EBF1: variants seen among roughly 807,000 people sequenced by gnomAD.
EBF1 encodes the protein EBF transcription factor 1.
EBF1 carries 10 observed loss-of-function variants against 68.4 expected under a neutral mutation model. The observed-to-expected ratio is 0.15, with a 90% CI of 0.09 to 0.25. EBF1 has a LOEUF of 0.25. Among genes scored for constraint, EBF1 ranks in the 10% least tolerant of loss-of-function variants. The probability of loss-of-function intolerance (pLI) is 1.00; values close to 1 mark genes in which losing one functional copy is unlikely to be tolerated. For missense variants in EBF1, 509 were observed against 794.4 expected (o/e 0.64, Z 4.32); for synonymous variants, 298 against 299.8 (o/e 0.99, Z 0.06).
At chr5:158,910,340 A>G (rs1805687691) in intron 6 of EBF1, among the ~76,000 whole-genome samples, 1 of 152,250 alleles carries the variant, frequency 6.6e-6, no homozygotes, top group Non-Finnish European at 1.5e-5. Flanking sequence ...CTTTCTGTTA[A>G]TATTTCCCTT....
chr5:158,698,618 A>T lies in EBF1; in HGVS notation c.*493T>A, dbSNP rs1484639232. The T allele has an allele frequency of 4.7e-6, 1 of 213,336 alleles. No homozygotes were observed. The allele number at this position is 213,336 out of a possible 1,614,324, so 13.2% of individuals were successfully genotyped here. A position where few individuals can be genotyped will look rare whatever the true frequency, so the allele number is the denominator to read the frequency against. ...AGTTTTTCTAAAAAATCTAACTGGC[A>T]TTCCTATTCTGTCCCATACAAGCTT... On this transcript the variant is annotated 3_prime_UTR_variant, in exon 16 of 16. Transcript: ENST00000313708.
intron 1 of EBF1, 58 bp from the exon 2 acceptor site, chr5:159,097,188 T>C: frequency 1.3e-6 from 2 of 1,563,434 alleles, no homozygotes; most frequent in Non-Finnish European, 1.7e-6. Context: ...GCGCCCCTTG[T>C]CACCCTGTAC....
intron 15 of EBF1, among the ~76,000 whole-genome samples, chr5:158,706,288 G>T (rs936388065): frequency 6.7e-6 from 1 of 149,664 alleles, no homozygotes; most frequent in African/African-American, 2.5e-5. Flanking sequence ...GCTGAGTCTG[G>T]GCTGTGCTGG....
chr5:158,723,485 A>G (rs1017563060), intron 11 of EBF1, among the ~76,000 whole-genome samples: 2 of 152,196 alleles, frequency 1.3e-5, no homozygotes, highest in Non-Finnish European at 2.9e-5. Flanking sequence ...TTATCAGGCA[A>G]TAACCAGCAA....
intron 6 of EBF1, among the ~76,000 whole-genome samples, chr5:158,877,851 A>G (rs980075106): frequency 6.6e-6 from 1 of 152,124 alleles, no homozygotes; most frequent in Non-Finnish European, 1.5e-5. Flanking sequence ...TAGAATAATT[A>G]GGAACGAAGT....
intron 3 of EBF1, 33 bp downstream of exon 3, chr5:159,096,310 A>G: frequency 6.2e-7 from 1 of 1,606,268 alleles, no homozygotes; most frequent in South Asian, 1.1e-5. Flanking sequence ...CCGGAGCCCC[A>G]GGGTGAGGCC....
chr5:158,730,276 T>C (rs1018549886), intron 11 of EBF1, among the ~76,000 whole-genome samples: 3 of 152,214 alleles, frequency 2.0e-5, no homozygotes, highest in Non-Finnish European at 4.4e-5. Flanking sequence ...TCACAGAACG[T>C]TGGTTGCACT....
chr5:159,083,081 A>G (rs910022421), intron 5 of EBF1, among the ~76,000 whole-genome samples: 4 of 152,350 alleles, frequency 2.6e-5, no homozygotes, highest in Admixed American at 2.6e-4. Context: ...ATGCAAATCT[A>G]TGATATATAG....
At chr5:159,007,547 T>C (rs1440335255) in intron 6 of EBF1, among the ~76,000 whole-genome samples, 1 of 152,166 alleles carries the variant, frequency 6.6e-6, no homozygotes, top group Non-Finnish European at 1.5e-5. Flanking sequence ...ACATGAAAAT[T>C]TGGTTCGCTC....
chr5:158,716,958 A>T (rs1374030593), intron 11 of EBF1, among the ~76,000 whole-genome samples: 2 of 152,190 alleles, frequency 1.3e-5, no homozygotes, highest in Admixed American at 1.3e-4. Flanking sequence ...AGTTTGAGGG[A>T]CTAAATTGAA....
chr5:158,883,544 G>T (rs17056323), intron 6 of EBF1, among the ~76,000 whole-genome samples: 1 of 151,988 alleles, frequency 6.6e-6, no homozygotes, highest in East Asian at 1.9e-4. Context: ...CACTGTGCTC[G>T]CTTGAGTGCT....
At chr5:158,946,224 T>G (rs189499675) in intron 6 of EBF1, among the ~76,000 whole-genome samples, 5 of 152,292 alleles carry the variant, frequency 3.3e-5, no homozygotes, top group African/African-American at 1.2e-4. Context: ...TTTGTTCCCT[T>G]GCTGGCGAGC....
chr5:158,849,033 C>T (rs1054942170), intron 6 of EBF1, among the ~76,000 whole-genome samples: 2 of 152,148 alleles, frequency 1.3e-5, no homozygotes, highest in African/African-American at 2.4e-5. Flanking sequence ...TCATTCAATA[C>T]CAATTTTACT....
At chr5:158,772,601 G>C (rs925710741) in intron 10 of EBF1, among the ~76,000 whole-genome samples, 1 of 151,998 alleles carries the variant, frequency 6.6e-6, no homozygotes, top group Non-Finnish European at 1.5e-5. Context: ...TCTTTTTCTT[G>C]CTACTTTATT....
At chr5:159,028,395 T>G (rs1050170354) in intron 6 of EBF1, among the ~76,000 whole-genome samples, 2 of 152,164 alleles carry the variant, frequency 1.3e-5, no homozygotes, top group African/African-American at 4.8e-5. Context: ...GCAATTGTAA[T>G]GGTACCGTAC....
At chr5:158,926,711 CAGAG>C (rs1438752229) in intron 6 of EBF1, among the ~76,000 whole-genome samples, 2 of 126,346 alleles carry the variant, frequency 1.6e-5, no homozygotes, top group Non-Finnish European at 3.3e-5. Flanking sequence ...GTGACAAAGA[CAGAG>C]AGACTACATT....
chr5:158,777,902 G>T (rs1370706191), intron 9 of EBF1, among the ~76,000 whole-genome samples: 1 of 152,182 alleles, frequency 6.6e-6, no homozygotes, highest in Non-Finnish European at 1.5e-5. Context: ...GATGGGCCTG[G>T]TGTTTGAACT....
In EBF1 at chr5:158,919,574, G is replaced by A. The variant is rs534841953; in HGVS notation, c.555-79464C>T. Among the ~76,000 whole-genome samples, 18 of 152,132 alleles carry A rather than the reference G, an allele frequency of 1.2e-4. No individual in the cohort carries two copies. The East Asian group carries it at 3.3e-3, about 28-fold the overall frequency. On this transcript the variant is annotated intron_variant, in intron 6 of 15. Transcript: ENST00000313708. ...TCTAGCAAAGACATATTCCAACAAC[G>A]GTGCTCATTTTTTTGAATAAATAAA...
rs751853127 is a variant in EBF1 at position 159,098,940 on chromosome 5, AAG to A, written c.134+403_134+404del. ...AGGAAGGAAGGAAGAGAAAGAAAGA[AAG>A]AAAAAAGAAAAGAGGGAAAGGAAGA... On this transcript the variant is annotated intron_variant, in intron 1 of 15. Coordinates refer to ENST00000313708, the MANE Select transcript of EBF1 (RefSeq NM_024007.5). Among the ~76,000 whole-genome samples, 4 of 152,082 alleles carry A rather than the reference AAG, an allele frequency of 2.6e-5. No homozygotes were observed. In the East Asian group the frequency reaches 7.7e-4, roughly 29 times the overall value.
Sources: gnomAD v4.1 joint callset for allele counts (sites outside exome capture counted in the v4.1 genomes callset) on GRCh38, gnomAD v4.1.1 for gene constraint, MANE v1.5 for transcripts, NCBI Gene and HGNC (gene_info 2026-07-23, HGNC 2026-07-21) for gene names.